Variants in MEF2A observed in about 807,000 individuals in gnomAD.
MEF2A encodes myocyte enhancer factor 2A.
In MEF2A, 28 loss-of-function variants were observed where a neutral mutation model predicts 55.8. The observed-to-expected ratio is 0.50, with a 90% confidence interval of 0.37 to 0.69. The LOEUF is 0.69. Among genes scored for constraint, MEF2A ranks in the 30% least tolerant of loss-of-function variants. MEF2A has a pLI of 0.00. For synonymous variants in MEF2A, 239 were observed against 227.1 expected (o/e 1.05, Z -0.47); for missense variants, 528 against 626.2 (o/e 0.84, Z 1.67).
At chr15:99,623,720 T>C (rs750390683) in intron 2 of MEF2A, among the ~76,000 whole-genome samples, 4 of 152,214 alleles carry the variant, frequency 2.6e-5, no homozygotes, top group Non-Finnish European at 4.4e-5. Context: ...TCAAGTCCTT[T>C]GCCCATTTTT....
At chr15:99,623,622 G>C (rs1426528633) in intron 2 of MEF2A, among the ~76,000 whole-genome samples, 1 of 152,070 alleles carries the variant, frequency 6.6e-6, no homozygotes, top group Non-Finnish European at 1.5e-5. Flanking sequence ...TTGTGGTTTT[G>C]ACTTGCATTT....
At chr15:99,699,952 A>ATGTATGTGTG (rs2057128367) in intron 8 of MEF2A, among the ~76,000 whole-genome samples, 4 of 130,578 alleles carry the variant, frequency 3.1e-5, no homozygotes, top group African/African-American at 8.7e-5. Context: ...AAGAGTTTAT[A>ATGTATGTGTG]TGTGTGTGTG....
intron 4 of MEF2A, among the ~76,000 whole-genome samples, chr15:99,649,142 G>A (rs1015854755): frequency 6.6e-6 from 1 of 151,782 alleles, no homozygotes; most frequent in African/African-American, 2.4e-5. Context: ...TTCTATACAG[G>A]TTTATTTTTT....
At chr15:99,658,999 G>A (rs2048198767) in intron 4 of MEF2A, among the ~76,000 whole-genome samples, 2 of 152,038 alleles carry the variant, frequency 1.3e-5, no homozygotes, top group Admixed American at 6.6e-5. Flanking sequence ...ATCTAGTAGG[G>A]TGCTTTCGAT....
At chr15:99,663,979 T>A (rs2049126082) in intron 4 of MEF2A, among the ~76,000 whole-genome samples, 1 of 152,184 alleles carries the variant, frequency 6.6e-6, no homozygotes, top group African/African-American at 2.4e-5. Flanking sequence ...AAAGGTAAGG[T>A]TGTCAGTACT....
At chr15:99,580,377 C>A (rs1310104582) in intron 1 of MEF2A, among the ~76,000 whole-genome samples, 1 of 152,138 alleles carries the variant, frequency 6.6e-6, no homozygotes. Flanking sequence ...CATAGATACA[C>A]TTGCACCACT....
rs138662710 is a variant in MEF2A at position 99,596,384 on chromosome 15, C to T, written c.-224-2046C>T. On this transcript the variant is annotated intron_variant, in intron 1 of 11. Coordinates refer to ENST00000557942, the MANE Select transcript of MEF2A (RefSeq NM_001319206.4). ...GAAATTGGTGTTTTAAAGTAAGCTC[C>T]TTTTACCTTTGCAAAAAAAAAAAAC... Among the ~76,000 whole-genome samples, 523 of 150,348 alleles carry T rather than the reference C, an allele frequency of 3.5e-3. 3 individuals carry two copies. The highest frequency in any genetic ancestry group is 0.012 in the African/African-American group (476 of 40,778).
At chr15:99,676,665 C>G (rs56019946) in intron 7 of MEF2A, among the ~76,000 whole-genome samples, 1 of 151,906 alleles carries the variant, frequency 6.6e-6, no homozygotes, top group African/African-American at 2.4e-5. Flanking sequence ...CTTCACCTCC[C>G]GGGTTCACGC....
intron 8 of MEF2A, among the ~76,000 whole-genome samples, chr15:99,700,168 G>A (rs1251507380): frequency 7.5e-5 from 7 of 93,460 alleles, no homozygotes; most frequent in South Asian, 5.6e-4. Flanking sequence ...AGACACATAC[G>A]TATATATGTG....
intron 7 of MEF2A, among the ~76,000 whole-genome samples, chr15:99,686,243 G>A (rs909691986): frequency 1.5e-4 from 23 of 152,158 alleles, no homozygotes; most frequent in African/African-American, 5.6e-4. Flanking sequence ...ATATTGAGAT[G>A]TGAGGTACTA....
chr15:99,623,304 A>G (rs780821944), intron 2 of MEF2A, among the ~76,000 whole-genome samples: 17 of 152,174 alleles, frequency 1.1e-4, no homozygotes, highest in Non-Finnish European at 1.3e-4. Flanking sequence ...TTATTCTCCC[A>G]CAGGTGGACA....
intron 1 of MEF2A, among the ~76,000 whole-genome samples, chr15:99,576,762 T>C (rs1316842188): frequency 1.3e-5 from 2 of 152,032 alleles, no homozygotes; most frequent in East Asian, 3.9e-4. Flanking sequence ...TGCCTCAGCC[T>C]CCTGAGTAGC....
At chr15:99,619,558 A>G in intron 2 of MEF2A, among the ~76,000 whole-genome samples, 1 of 152,212 alleles carries the variant, frequency 6.6e-6, no homozygotes, top group East Asian at 1.9e-4. Context: ...GCAGGGCCCT[A>G]GAAAACCTTT....
chr15:99,584,140 C>T (rs1371833693), intron 1 of MEF2A, among the ~76,000 whole-genome samples: 1 of 152,104 alleles, frequency 6.6e-6, no homozygotes, highest in African/African-American at 2.4e-5. Flanking sequence ...AAATGGTAGA[C>T]TTAATATAGC....
intron 4 of MEF2A, among the ~76,000 whole-genome samples, chr15:99,656,831 C>G (rs922276535): frequency 6.6e-6 from 1 of 152,076 alleles, no homozygotes; most frequent in Admixed American, 6.6e-5. Context: ...ATAAAATTCA[C>G]CAGTGTAGAT....
chr15:99,585,136 A>G (rs1290606398), intron 1 of MEF2A, among the ~76,000 whole-genome samples: 2 of 152,166 alleles, frequency 1.3e-5, no homozygotes, highest in Non-Finnish European at 2.9e-5. Flanking sequence ...GCTTTATTCT[A>G]GTTGACAGGA....
chr15:99,580,255 A>T lies in MEF2A; in HGVS notation c.-225+14151A>T, dbSNP rs529521331. 3.9e-5 allele frequency among the ~76,000 whole-genome samples: 6 copies of T among 152,134 alleles called. No individual in the cohort carries two copies. In the East Asian group the frequency reaches 9.7e-4, roughly 24 times the overall value. ...TTTGGTGACTTCCCCCGCCCCCCTC[A>T]CAGTTTTGCATTGTCAACATTCTTT... is the stretch of plus-strand genomic sequence containing the variant. On this transcript the variant is annotated intron_variant, in intron 1 of 11. Coordinates refer to ENST00000557942, the MANE Select transcript of MEF2A (RefSeq NM_001319206.4).
chr15:99,663,746 T>C (rs1189923333), intron 4 of MEF2A, among the ~76,000 whole-genome samples: 1 of 152,164 alleles, frequency 6.6e-6, no homozygotes, highest in African/African-American at 2.4e-5. Context: ...AAGTTTATTA[T>C]GTAAAAGAAA....
At chr15:99,637,803 C>T (rs561522623) in intron 3 of MEF2A, among the ~76,000 whole-genome samples, 15 of 152,250 alleles carry the variant, frequency 9.9e-5, no homozygotes, top group South Asian at 6.2e-4. Flanking sequence ...CCACCACGCC[C>T]GGCTAATTTT....
Sources: allele counts gnomAD v4.1 joint callset (sites outside exome capture counted in the v4.1 genomes callset), GRCh38; gene constraint gnomAD v4.1.1; transcripts MANE v1.5; gene names NCBI Gene and HGNC (gene_info 2026-07-23, HGNC 2026-07-21).